Variants in SORCS2 observed in about 807,000 individuals in gnomAD.
SORCS2 encodes the protein VPS10 domain-containing receptor SorCS2.
Under a neutral mutation model 141.6 loss-of-function variants are expected in SORCS2, and 100 were observed. The observed-to-expected ratio is 0.71, with a 90% CI of 0.60 to 0.83. SORCS2 has a LOEUF of 0.83. Ranked by LOEUF, SORCS2 falls within the 40% of genes least tolerant of loss-of-function variation. SORCS2 has a pLI of 0.00. For missense variants in SORCS2, 1,646 were observed against 1,560.2 expected (o/e 1.05, Z -0.93); for synonymous variants, 789 against 676.9 (o/e 1.17, Z -2.57).
At chr4:7,572,133 C>T (rs1438572943) in intron 3 of SORCS2, among the ~76,000 whole-genome samples, 1 of 152,172 alleles carries the variant, frequency 6.6e-6, no homozygotes, top group African/African-American at 2.4e-5. Context: ...TGAAGCTCCT[C>T]AGTTCCCTGT....
intron 1 of SORCS2, among the ~76,000 whole-genome samples, chr4:7,323,275 T>C (rs4689705): frequency 0.78 from 118,022 of 152,140 alleles, 46,465 homozygotes; most frequent in African/African-American, 0.92. Context: ...GCAGCCAAAG[T>C]GAAAAGGAGA....
At chr4:7,359,244 C>G (rs1456135721) in intron 1 of SORCS2, among the ~76,000 whole-genome samples, 2 of 152,026 alleles carry the variant, frequency 1.3e-5, no homozygotes, top group Admixed American at 6.5e-5. Context: ...TGCAGTGAGC[C>G]AAGATGGCGC....
intron 1 of SORCS2, among the ~76,000 whole-genome samples, chr4:7,330,011 G>A (rs1281242220): frequency 1.3e-5 from 2 of 152,060 alleles, no homozygotes; most frequent in Non-Finnish European, 2.9e-5. Context: ...GGCAGGTGCG[G>A]TTCCTTCTGG....
intron 7 of SORCS2, among the ~76,000 whole-genome samples, chr4:7,666,913 T>C (rs746964694): frequency 6.6e-6 from 1 of 152,068 alleles, no homozygotes; most frequent in Non-Finnish European, 1.5e-5. Context: ...TAGTTCTGAC[T>C]GAAGGAAGCA....
At chr4:7,309,885 G>A (rs1718075582) in intron 1 of SORCS2, among the ~76,000 whole-genome samples, 1 of 152,206 alleles carries the variant, frequency 6.6e-6, no homozygotes. Flanking sequence ...GATGTTCTGC[G>A]AGCTTATGCC....
intron 2 of SORCS2, among the ~76,000 whole-genome samples, chr4:7,512,616 C>T (rs1417720228): frequency 6.6e-6 from 1 of 152,122 alleles, no homozygotes; most frequent in Non-Finnish European, 1.5e-5. Flanking sequence ...CTACTTCCCT[C>T]TGGCTTTCAA....
At chr4:7,215,278 C>T (rs1255153812) in intron 1 of SORCS2, among the ~76,000 whole-genome samples, 7 of 152,200 alleles carry the variant, frequency 4.6e-5, no homozygotes, top group Non-Finnish European at 1.0e-4. Flanking sequence ...CCCGGGCCAG[C>T]GGCTGTGGAG....
intron 2 of SORCS2, among the ~76,000 whole-genome samples, chr4:7,489,346 G>A (rs186331276): frequency 6.6e-6 from 1 of 152,320 alleles, no homozygotes; most frequent in South Asian, 2.1e-4. Context: ...TGGCTGCGTC[G>A]TCGCTGGTGC....
At chr4:7,681,031 C>G (rs1723493493) in intron 9 of SORCS2, among the ~76,000 whole-genome samples, 1 of 152,216 alleles carries the variant, frequency 6.6e-6, no homozygotes, top group Non-Finnish European at 1.5e-5. Flanking sequence ...AACTTTTGAT[C>G]TGGTGATATT....
At chr4:7,397,597 G>A (rs10005361) in intron 2 of SORCS2, among the ~76,000 whole-genome samples, 27,711 of 152,106 alleles carry the variant, frequency 0.18, 2,826 homozygotes, top group Non-Finnish European at 0.23. Context: ...CCGTTGCTTT[G>A]TGTGCTGGTG....
chr4:7,654,412 C>T (rs1390778874), intron 5 of SORCS2, among the ~76,000 whole-genome samples: 2 of 152,218 alleles, frequency 1.3e-5, no homozygotes, highest in Non-Finnish European at 2.9e-5. Context: ...GTTCTTCCTG[C>T]TCCGCATTGG....
At chr4:7,341,764 A>G (rs372056463) in intron 1 of SORCS2, among the ~76,000 whole-genome samples, 1 of 152,216 alleles carries the variant, frequency 6.6e-6, no homozygotes, top group Admixed American at 6.5e-5. Context: ...TATTCAGTGC[A>G]TTCACAGTGT....
At chr4:7,253,493 G>C (rs1341625390) in intron 1 of SORCS2, among the ~76,000 whole-genome samples, 1 of 152,232 alleles carries the variant, frequency 6.6e-6, no homozygotes, top group South Asian at 2.1e-4. Context: ...TTCCCTGCAG[G>C]GGTGCACGAG....
At chr4:7,629,468 A>C (rs1466700407) in intron 3 of SORCS2, among the ~76,000 whole-genome samples, 1 of 151,752 alleles carries the variant, frequency 6.6e-6, no homozygotes, top group Non-Finnish European at 1.5e-5. Context: ...GGGAGGGAGG[A>C]GGTGGGAGTC....
chr4:7,733,535 T>G (rs1016495062), intron 24 of SORCS2, 114 bp downstream of exon 24: 17 of 840,190 alleles, frequency 2.0e-5, no homozygotes, highest in Admixed American at 6.0e-5. Flanking sequence ...TCCTGGTGGG[T>G]GTTCGCCTCT....
intron 1 of SORCS2, among the ~76,000 whole-genome samples, chr4:7,225,867 T>G (rs1023118128): frequency 6.6e-6 from 1 of 152,062 alleles, no homozygotes; most frequent in African/African-American, 2.4e-5. Flanking sequence ...GCGAGGGGGT[T>G]CCTGCAGAGA....
chr4:7,265,216 G>A (rs144478910), intron 1 of SORCS2, among the ~76,000 whole-genome samples: 2 of 152,308 alleles, frequency 1.3e-5, no homozygotes, highest in Middle Eastern at 3.4e-3. Context: ...GTGTAGGCTG[G>A]GCACGATGGC....
At chr4:7,454,402 C>T (rs1239150180) in intron 2 of SORCS2, among the ~76,000 whole-genome samples, 5 of 127,582 alleles carry the variant, frequency 3.9e-5, no homozygotes, top group African/African-American at 1.6e-4. Flanking sequence ...GTGTTGGGGT[C>T]AGGTGCTGTG....
At chr4:7,447,334 TAA>T (rs1462949273) in intron 2 of SORCS2, among the ~76,000 whole-genome samples, 1 of 152,120 alleles carries the variant, frequency 6.6e-6, no homozygotes, top group Non-Finnish European at 1.5e-5. Flanking sequence ...GCCTTGTGTG[TAA>T]AGAGAGGATC....
Sources: allele counts gnomAD v4.1 joint callset (sites outside exome capture counted in the v4.1 genomes callset), GRCh38; gene constraint gnomAD v4.1.1; transcripts MANE v1.5; gene names NCBI Gene and HGNC (gene_info 2026-07-23, HGNC 2026-07-21).